EXD2: variants seen among roughly 807,000 people sequenced by gnomAD.
EXD2 encodes the protein exonuclease 3'-5' domain-containing protein 2.
Under a neutral mutation model 62.5 loss-of-function variants are expected in EXD2, and 40 were observed. The ratio of observed to expected loss-of-function variants is 0.64; its 90% CI spans 0.50 to 0.83. EXD2 has a LOEUF of 0.83. Ranked by LOEUF, EXD2 falls within the 40% of genes least tolerant of loss-of-function variation. The probability of loss-of-function intolerance (pLI) is 0.00; values close to 1 mark genes in which losing one functional copy is unlikely to be tolerated. For synonymous variants in EXD2, 239 were observed against 291.9 expected (o/e 0.82, Z 1.85); for missense variants, 671 against 761.8 (o/e 0.88, Z 1.40).
chr14:69,220,253 GTTTTTTTTTTTTTTTTTTTTT>G (rs869194045), intron 3 of EXD2, among the ~76,000 whole-genome samples: 5 of 35,096 alleles, frequency 1.4e-4, no homozygotes, highest in African/African-American at 6.1e-4. Context: ...TTGTCTCTCT[GTTTTTTTTTTTTTTTTTTTTT>G]TTTTTTTTTT....
chr14:69,243,396 G>A lies in EXD2; in HGVS notation c.*2296G>A, dbSNP rs1243545237. The A allele has an allele frequency of 6.6e-6, 1 of 152,134 alleles. No homozygotes were observed. Among genetic ancestry groups the A allele is most frequent in the Non-Finnish European group, 1.5e-5 (1 of 68,030 alleles). The allele number at this position is 152,134 out of a possible 1,614,324, so 9.4% of individuals were successfully genotyped here. On this transcript the variant is annotated 3_prime_UTR_variant, in exon 10 of 10. Coordinates refer to ENST00000685843, the MANE Select transcript of EXD2 (RefSeq NM_001193360.2). ...GAATTTCCTTTCAGTATTAAAAAGT[G>A]CATATAAGGTGTATATTTACACAAA...
intron 3 of EXD2, among the ~76,000 whole-genome samples, chr14:69,226,018 T>G (rs1432399360): frequency 6.6e-6 from 1 of 152,198 alleles, no homozygotes; most frequent in Non-Finnish European, 1.5e-5. Flanking sequence ...TTCTTTTTAC[T>G]CACCACTGTA....
At chr14:69,212,540 G>C (rs1286814248) in intron 3 of EXD2, among the ~76,000 whole-genome samples, 1 of 150,124 alleles carries the variant, frequency 6.7e-6, no homozygotes, top group Non-Finnish European at 1.5e-5. Context: ...TAGAGACAGG[G>C]TGGTGTCACT....
chr14:69,242,387 G>A lies in EXD2; in HGVS notation c.*1287G>A, dbSNP rs896564049. 8 of 188,272 alleles carry A rather than the reference G, an allele frequency of 4.2e-5. No individual in the cohort carries two copies. The highest frequency in any genetic ancestry group is 9.3e-5 in the African/African-American group (4 of 42,874). 11.7% of individuals were successfully genotyped at this position (188,272 alleles called of 1,614,324 possible). A position where few individuals can be genotyped will look rare whatever the true frequency, so the allele number is the denominator to read the frequency against. ...TCACTGGATGTAAATGTAAAACTTC[G>A]CGACTTTATAAAACTGGCATTCCTA... On this transcript the variant is annotated 3_prime_UTR_variant, in exon 10 of 10. Coordinates refer to ENST00000685843, the MANE Select transcript of EXD2 (RefSeq NM_001193360.2).
intron 3 of EXD2, among the ~76,000 whole-genome samples, chr14:69,220,904 T>C (rs1380071979): frequency 6.6e-6 from 1 of 152,078 alleles, no homozygotes; most frequent in Non-Finnish European, 1.5e-5. Context: ...AGTTGTCCTT[T>C]TGCCCAGGTT....
In EXD2 at chr14:69,236,099, T is replaced by C. The variant is rs1335065743; in HGVS notation, c.1103T>C (p.Leu368Pro). Reference sequence around the variant, plus strand: ...CTCCATGCTCCTGATGGACAGCCCCTCTGCACTTGTGATAGAAGAAAAGCT... The same window carrying C: ...CTCCATGCTCCTGATGGACAGCCCCCCTGCACTTGTGATAGAAGAAAAGCT... ...CFLHAPDGQP[L>P]CTCDRRKAQW... Residue 368 changes from leucine (L) to proline (P), a missense_variant, in exon 7 of 10, where the codon CTC (leucine) becomes CCC (proline). By Grantham distance (98) the Leu-to-Pro change is moderately conservative. Transcript: ENST00000685843. 3 of 1,614,216 alleles carry C rather than the reference T, an allele frequency of 1.9e-6. No individual in the cohort carries two copies. The highest frequency in any genetic ancestry group is 2.2e-5 in the East Asian group (1 of 44,892).
chr14:69,214,445 C>T (rs1363513393), intron 3 of EXD2, among the ~76,000 whole-genome samples: 3 of 152,106 alleles, frequency 2.0e-5, no homozygotes, highest in South Asian at 2.1e-4. Flanking sequence ...TTTACAATTC[C>T]CTTTTTCTTT....
chr14:69,210,612 C>A (rs1391498115), intron 3 of EXD2, among the ~76,000 whole-genome samples: 1 of 152,036 alleles, frequency 6.6e-6, no homozygotes, highest in African/African-American at 2.4e-5. Flanking sequence ...AGTTTAATAC[C>A]AGTCAGCCAG....
At chr14:69,206,411 G>A (rs1165722922) in intron 2 of EXD2, among the ~76,000 whole-genome samples, 1 of 148,760 alleles carries the variant, frequency 6.7e-6, no homozygotes, top group Admixed American at 6.7e-5. Flanking sequence ...GCTGGGGCTG[G>A]CATGAGTTCT....
chr14:69,208,208 C>CTT (rs1356594261), intron 2 of EXD2, among the ~76,000 whole-genome samples: 54 of 87,604 alleles, frequency 6.2e-4, no homozygotes, highest in African/African-American at 2.7e-3. Flanking sequence ...AGGCCACTTA[C>CTT]TATTTTTTTT....
chr14:69,241,344 T>A lies in EXD2; in HGVS notation c.*244T>A. ...TCATTTTTGTGGACAAGAGAGGCCT[T>A]CGCCTTTATTTTTACTCTCCCTCTT... On this transcript the variant is annotated 3_prime_UTR_variant, in exon 10 of 10. Coordinates refer to ENST00000685843, the MANE Select transcript of EXD2 (RefSeq NM_001193360.2). The A allele has an allele frequency of 2.2e-6, 1 of 458,180 alleles. No homozygotes were observed. Among genetic ancestry groups the A allele is most frequent in the Non-Finnish European group, 3.9e-6 (1 of 257,766 alleles). 28.4% of individuals were successfully genotyped at this position (458,180 alleles called of 1,614,324 possible).
rs183961982 is a variant in EXD2, at chr14:69,220,356, C to T, written c.334-8460C>T. Among the ~76,000 whole-genome samples, 399 of 141,170 alleles carry T rather than the reference C, an allele frequency of 2.8e-3. 3 individuals are homozygous for T. The highest frequency in any genetic ancestry group is 9.1e-3 in the African/African-American group (347 of 37,958). 92.6% of individuals were successfully genotyped at this position (141,170 alleles called of 152,430 possible). A position where few individuals can be genotyped will look rare whatever the true frequency, so the allele number is the denominator to read the frequency against. On this transcript the variant is annotated intron_variant, in intron 3 of 9. Transcript: ENST00000685843. ...CATGATCTTGGCTCACTTCAAGCTC[C>T]ACCTCCCGGGTTCACGCCATACTCC...
intron 1 of EXD2, among the ~76,000 whole-genome samples, chr14:69,197,421 C>CT (rs57338516): frequency 0.035 from 5,142 of 148,014 alleles, 227 homozygotes; most frequent in African/African-American, 0.1. Context: ...TTGATTCATT[C>CT]TTTTTTTTTT....
intron 3 of EXD2, among the ~76,000 whole-genome samples, chr14:69,216,975 A>G (rs931405513): frequency 6.6e-6 from 1 of 152,108 alleles, no homozygotes; most frequent in Admixed American, 6.6e-5. Context: ...TTCTTTGATC[A>G]ACATTTTCTC....
At chr14:69,193,157 C>A (rs2042091809) in intron 1 of EXD2, among the ~76,000 whole-genome samples, 1 of 151,440 alleles carries the variant, frequency 6.6e-6, no homozygotes, top group African/African-American at 2.4e-5. Flanking sequence ...CTCCCAGGTT[C>A]AAGCGATTCT....
At chr14:69,223,318 A>T (rs2043249676) in intron 3 of EXD2, among the ~76,000 whole-genome samples, 2 of 152,110 alleles carry the variant, frequency 1.3e-5, no homozygotes, top group Non-Finnish European at 2.9e-5. Flanking sequence ...CAAACTTAAC[A>T]TGTTCCTAAC....
chr14:69,240,830 G>T, intron 9 of EXD2, 54 bp from the exon 10 acceptor site: 1 of 1,519,248 alleles, frequency 6.6e-7, no homozygotes. Context: ...AGCTGTCTGT[G>T]AGGCCATCCT....
chr14:69,217,542 C>CT (rs572748219), intron 3 of EXD2, among the ~76,000 whole-genome samples: 1,699 of 149,220 alleles, frequency 0.011, 30 homozygotes, highest in African/African-American at 0.037. Context: ...ATCACATTTT[C>CT]TTTTTTTTTT....
intron 2 of EXD2, among the ~76,000 whole-genome samples, chr14:69,207,299 G>T (rs1384178937): frequency 2.0e-5 from 3 of 151,898 alleles, no homozygotes; most frequent in Admixed American, 1.3e-4. Context: ...TTCAAGACCA[G>T]CCTGGCCAAC....
Sources: allele counts gnomAD v4.1 joint callset (sites outside exome capture counted in the v4.1 genomes callset), GRCh38; gene constraint gnomAD v4.1.1; transcripts MANE v1.5; gene names NCBI Gene and HGNC (gene_info 2026-07-23, HGNC 2026-07-21).